Variants in GALNS observed in about 807,000 individuals in gnomAD.
GALNS encodes the protein N-acetylgalactosamine-6-sulfatase.
A neutral mutation model predicts 65.9 loss-of-function variants in GALNS; 65 were observed. That is an observed-to-expected ratio of 0.99 (90% CI 0.81 to 1.21). The LOEUF is 1.21. Ranked by LOEUF, GALNS falls within the 50% of genes most tolerant of loss-of-function variation. The pLI, the probability that GALNS is intolerant of heterozygous loss-of-function variation, is 0.00. For missense variants in GALNS, 776 were observed against 700.7 expected, an observed-to-expected ratio of 1.11 and a Z score of -1.21; for synonymous variants, 346 against 288.9, an observed-to-expected ratio of 1.20 and a Z score of -2.00.
chr16:88,835,472 G>A, intron 7 of GALNS, 120 bp from the exon 8 acceptor site: 3 of 1,395,026 alleles, frequency 2.2e-6, no homozygotes, highest in African/African-American at 2.8e-5. Context: ...AGACCACAGT[G>A]AAACTGGCCG....
chr16:88,819,777 T>C (rs1049958513), intron 12 of GALNS, among the ~76,000 whole-genome samples: 2 of 152,104 alleles, frequency 1.3e-5, no homozygotes, highest in African/African-American at 2.4e-5. Context: ...CACTGCAACC[T>C]CCGCCTCCCT....
In GALNS at chr16:88,818,014, G is replaced by A. The variant is rs141171091; in HGVS notation, c.1475C>T (p.Ala492Val). The change falls in exon 13 of 14, where the codon GCG becomes GTG. Residue 492 changes from alanine to valine, a missense_variant. Ala to Val is a moderately conservative substitution (Grantham distance 64, BLOSUM62 0). Transcript: ENST00000268695. ...CACACACCAGCCACTTACCATGACCGCCCAGTTGCACACGTTGAGCTGGGG... is the reference window on the plus strand; with the variant it reads ...CACACACCAGCCACTTACCATGACCACCCAGTTGCACACGTTGAGCTGGGG... ...AQPQLNVCNW[A>V]VMNWAPPGCE... 36 of 1,581,410 alleles carry A rather than the reference G, an allele frequency of 2.3e-5. No homozygotes were observed. Among genetic ancestry groups the A allele is most frequent in the Admixed American group, 3.5e-5 (2 of 56,942 alleles).
At chr16:88,837,818 A>G in intron 4 of GALNS, 53 bp from the exon 5 acceptor site, 1 of 1,594,796 alleles carries the variant, frequency 6.3e-7, no homozygotes, top group South Asian at 1.1e-5. Flanking sequence ...GACACTCGGA[A>G]GTTCTGAGCA....
Position 88,853,182 on chromosome 16 carries a change from C to T in GALNS, c.120+3576G>A, listed in dbSNP as rs568863582. Among the ~76,000 whole-genome samples, 57 of 134,372 alleles carry T rather than the reference C, an allele frequency of 4.2e-4. 1 individual carries two copies. The East Asian group carries it at 5.3e-3, about 12-fold the overall frequency. 88.2% of individuals were successfully genotyped at this position (134,372 alleles called of 152,430 possible). A position where few individuals can be genotyped will look rare whatever the true frequency, so the allele number is the denominator to read the frequency against. The stretch of plus-strand genomic sequence containing the variant: ...AGGAGAATTGCTTGAACCTGGGAGA[C>T]GGAGGTTGCAGTGAGCTGAGATCAC... On this transcript the variant is annotated intron_variant, in intron 1 of 13. Transcript: ENST00000268695.
At chr16:88,834,466 C>A (rs1025866933) in intron 8 of GALNS, among the ~76,000 whole-genome samples, 2 of 83,202 alleles carry the variant, frequency 2.4e-5, no homozygotes, top group African/African-American at 4.8e-5. Context: ...AGGGCCCCCC[C>A]CGTGTGGTCT....
Position 88,847,408 on chromosome 16 carries a change from A to C in GALNS, c.121-4579T>G, listed in dbSNP as rs113541821. On this transcript the variant is annotated intron_variant, in intron 1 of 13. Transcript: ENST00000268695. ...AAACAAAAACCTGCCACTTTTCTCC[A>C]AATTCACCCCATCCAGCCTCCTCCT... Among the ~76,000 whole-genome samples the C allele has an allele frequency of 3.6e-3, 553 of 152,262 alleles. 2 individuals are homozygous for C. Among genetic ancestry groups the C allele is most frequent in the African/African-American group, 0.012 (518 of 41,540 alleles).
At chr16:88,828,503 G>T (rs1366338279) in intron 9 of GALNS, among the ~76,000 whole-genome samples, 1 of 152,226 alleles carries the variant, frequency 6.6e-6, no homozygotes, top group African/African-American at 2.4e-5. Context: ...CGGGACAGAC[G>T]TCAGGCGCTT....
chr16:88,821,080 C>T (rs962045435), intron 12 of GALNS, among the ~76,000 whole-genome samples: 10 of 152,168 alleles, frequency 6.6e-5, no homozygotes, highest in African/African-American at 2.4e-4. Context: ...ACGAGTCCCC[C>T]GGGGGCGTCT....
chr16:88,855,116 A>C (rs1189532433), intron 1 of GALNS: 1 of 506,770 alleles, frequency 2.0e-6, no homozygotes, highest in Non-Finnish European at 3.7e-6. Flanking sequence ...AGAAAAGCAG[A>C]AGTAGGTGAA....
At chr16:88,820,929 C>T (rs535408670) in intron 12 of GALNS, among the ~76,000 whole-genome samples, 7 of 152,140 alleles carry the variant, frequency 4.6e-5, no homozygotes, top group African/African-American at 9.7e-5. Flanking sequence ...CCCCCTGGGA[C>T]GGCGCTTCCA....
rs577397719 is a variant in GALNS, at chr16:88,856,832, C to A, written c.46G>T (p.Val16Leu). 9 of 1,523,340 alleles carry A rather than the reference C, an allele frequency of 5.9e-6. No homozygotes were observed. The Admixed American group carries it at 7.9e-5, about 13-fold the overall frequency. 94.4% of individuals were successfully genotyped at this position (1,523,340 alleles called of 1,614,324 possible). ...GCCCCCATCCCCGCGGCGCTGAGCA[C>A]CAGCAACAGCTGCCACCACCTCGTC... ...AATRWWQLLL[V>L]LSAAGMGASG... The change falls in exon 1 of 14, where the codon GTG (valine) becomes TTG (leucine). Residue 16 changes from valine to leucine, a missense_variant. Transcript: ENST00000268695.
At position 88,822,594 on chromosome 16, in the gene GALNS, G is replaced by A. The variant is rs766717526; in HGVS notation, c.1359C>T (p.Pro453=). The A allele has an allele frequency of 1.9e-6, 3 of 1,612,462 alleles. No homozygotes were observed. The highest frequency in any genetic ancestry group is 2.7e-5 in the African/African-American group (2 of 74,880). ...HLGRDPGERF[P]LSFASAEYQE... is the part of the protein sequence containing the mutation. ...GAGGCCCTGCACCGACTCACCTGAG[G>A]GGGAACCTCTCCCCTGGGTCCCGTC... Residue 453 remains proline (P), a synonymous_variant, in exon 12 of 14, where the codon CCC becomes CCT. Coordinates refer to ENST00000268695, the MANE Select transcript of GALNS (RefSeq NM_000512.5).
intron 1 of GALNS, among the ~76,000 whole-genome samples, chr16:88,846,741 C>T (rs1170913452): frequency 6.6e-6 from 1 of 152,024 alleles, no homozygotes; most frequent in Non-Finnish European, 1.5e-5. Flanking sequence ...CGGGGTTTCG[C>T]CATGTTGGCC....
At chr16:88,834,914 C>T (rs1242243836) in intron 8 of GALNS, among the ~76,000 whole-genome samples, 1 of 152,210 alleles carries the variant, frequency 6.6e-6, no homozygotes, top group Non-Finnish European at 1.5e-5. Flanking sequence ...TCCATGCGGC[C>T]TCCAAAGCCT....
chr16:88,831,845 G>A (rs1395281827), intron 9 of GALNS, among the ~76,000 whole-genome samples, 153 bp downstream of exon 9: 1 of 148,494 alleles, frequency 6.7e-6, no homozygotes, highest in Non-Finnish European at 1.5e-5. Flanking sequence ...TGAGCATGGG[G>A]TGCGTGGAGG....
intron 1 of GALNS, chr16:88,843,088 T>A: frequency 6.7e-7 from 1 of 1,498,922 alleles, no homozygotes. Context: ...CCACGCTGTC[T>A]TTCGCCTCCA....
intron 9 of GALNS, 37 bp from the exon 10 acceptor site, chr16:88,826,875 G>C (rs1387105959): frequency 1.3e-6 from 2 of 1,553,660 alleles, no homozygotes; most frequent in East Asian, 4.9e-5. Flanking sequence ...AGGGCACTCT[G>C]CACCGACCCG....
chr16:88,835,739 G>A lies in GALNS; in HGVS notation c.744C>T (p.Thr248=). The change falls in exon 7 of 14, where the codon ACC becomes ACT. Residue 248 remains threonine, a synonymous_variant. Coordinates refer to ENST00000268695, the MANE Select transcript of GALNS (RefSeq NM_000512.5). ...PVYASKPFLG[T]SQRGRYGDAV... ...CCAGGACTCACCGCCCTCGCTGACTGGTGCCCAAGAAGGGTTTGGAGGCAT... is the reference window on the plus strand; with the variant it reads ...CCAGGACTCACCGCCCTCGCTGACTAGTGCCCAAGAAGGGTTTGGAGGCAT... 6.2e-7 allele frequency: 1 copy of A among 1,614,090 alleles called. No individual in the cohort carries two copies.
intron 1 of GALNS, chr16:88,855,769 C>G: frequency 1.8e-6 from 1 of 542,116 alleles, no homozygotes; most frequent in Admixed American, 3.3e-5. Context: ...GACTGCCCAG[C>G]CCTTGGGTGT....
Sources: gnomAD v4.1 joint callset for allele counts (sites outside exome capture counted in the v4.1 genomes callset) on GRCh38, gnomAD v4.1.1 for gene constraint, MANE v1.5 for transcripts, NCBI Gene and HGNC (gene_info 2026-07-23, HGNC 2026-07-21) for gene names.